Variants in RALYL observed in about 807,000 individuals in gnomAD.
The protein encoded by RALYL is RALY RNA binding protein like, also known as RNA-binding Raly-like protein.
In RALYL, 29 loss-of-function variants were observed where a neutral mutation model predicts 35.1. The observed-to-expected ratio is 0.83, with a 90% CI of 0.61 to 1.13. RALYL has a LOEUF of 1.13. Ranked by LOEUF, RALYL falls within the 50% of genes most tolerant of loss-of-function variation. The probability of loss-of-function intolerance (pLI) is 0.00; values close to 1 mark genes in which losing one functional copy is unlikely to be tolerated. For synonymous variants in RALYL, 120 were observed against 127.6 expected, an observed-to-expected ratio of 0.94 and a Z score of 0.40; for missense variants, 359 against 360.4, an observed-to-expected ratio of 1.00 and a Z score of 0.03.
At chr8:84,428,114 A>T (rs1180767487) in intron 1 of RALYL, among the ~76,000 whole-genome samples, 51 of 149,396 alleles carry the variant, frequency 3.4e-4, no homozygotes, top group African/African-American at 1.2e-3. Flanking sequence ...TCTCACACAC[A>T]CACACACACA....
At chr8:84,421,028 G>A (rs1022379999) in intron 1 of RALYL, among the ~76,000 whole-genome samples, 10 of 123,636 alleles carry the variant, frequency 8.1e-5, no homozygotes, top group Admixed American at 1.7e-4. Context: ...TTGGCAATGC[G>A]GGCTCTTTTT....
chr8:84,219,225 G>A (rs999514739), intron 1 of RALYL, among the ~76,000 whole-genome samples: 9 of 151,958 alleles, frequency 5.9e-5, no homozygotes, highest in Admixed American at 6.6e-5. Context: ...ATTATGAGGC[G>A]GTTTTCTCCA....
intron 8 of RALYL, among the ~76,000 whole-genome samples, chr8:84,911,022 TAAAG>T (rs1847421147): frequency 6.6e-6 from 1 of 152,076 alleles, no homozygotes; most frequent in Non-Finnish European, 1.5e-5. Context: ...TCTATCAACT[TAAAG>T]AGAGTAACTA....
At chr8:84,332,498 G>C (rs1355743725) in intron 1 of RALYL, among the ~76,000 whole-genome samples, 2 of 152,072 alleles carry the variant, frequency 1.3e-5, no homozygotes, top group Non-Finnish European at 2.9e-5. Flanking sequence ...AATGGAAATA[G>C]GAGGATTATA....
intron 5 of RALYL, among the ~76,000 whole-genome samples, chr8:84,852,432 G>A (rs533529558): frequency 2.4e-4 from 37 of 152,146 alleles, no homozygotes; most frequent in Non-Finnish European, 2.2e-4. Context: ...TATTAAGGAA[G>A]GATATCTAGA....
chr8:84,426,969 C>T (rs553614216), intron 1 of RALYL, among the ~76,000 whole-genome samples: 1 of 152,074 alleles, frequency 6.6e-6, no homozygotes, highest in African/African-American at 2.4e-5. Context: ...AATGAAATCA[C>T]CACCTCATAA....
At chr8:84,504,737 G>A (rs115040399) in intron 1 of RALYL, among the ~76,000 whole-genome samples, 2,480 of 152,178 alleles carry the variant, frequency 0.016, 67 homozygotes, top group African/African-American at 0.056. Context: ...TGATGCTCCA[G>A]GGTTTTAGAC....
At chr8:84,431,239 C>T (rs1295601935) in intron 1 of RALYL, among the ~76,000 whole-genome samples, 1 of 151,928 alleles carries the variant, frequency 6.6e-6, no homozygotes, top group African/African-American at 2.4e-5. Flanking sequence ...GAAGGGGCAT[C>T]ATAAAAAGAT....
intron 1 of RALYL, among the ~76,000 whole-genome samples, chr8:84,264,449 GTTTTTTT>G (rs373596991): frequency 2.6e-4 from 32 of 121,284 alleles, no homozygotes; most frequent in Non-Finnish European, 4.2e-4. Context: ...CTTTTTAATG[GTTTTTTT>G]TTTTTTTTTT....
chr8:84,719,109 C>T (rs1430838703), intron 2 of RALYL, among the ~76,000 whole-genome samples: 1 of 152,008 alleles, frequency 6.6e-6, no homozygotes, highest in Non-Finnish European at 1.5e-5. Flanking sequence ...TTATGGATTC[C>T]TCTGTAACCT....
intron 2 of RALYL, among the ~76,000 whole-genome samples, chr8:84,554,931 T>A (rs957296093): frequency 2.6e-5 from 4 of 152,212 alleles, no homozygotes; most frequent in Non-Finnish European, 4.4e-5. Flanking sequence ...TTTTCAAGGA[T>A]AATTTTGAGT....
chr8:84,194,631 A>G lies in RALYL; in HGVS notation c.-24+10207A>G, dbSNP rs6473530. Among the ~76,000 whole-genome samples the G allele has an allele frequency of 3.5e-3, 538 of 152,292 alleles. 3 individuals carry two copies. The highest frequency in any genetic ancestry group is 0.013 in the African/African-American group (521 of 41,562). ...AGTATTTGTTAATACATTTTTATTA[A>G]CATCAGAAGTCCAGATAGCAGGTAT... On this transcript the variant is annotated intron_variant, in intron 1 of 8. Transcript: ENST00000521268.
intron 2 of RALYL, among the ~76,000 whole-genome samples, chr8:84,569,146 G>A (rs1251485427): frequency 6.6e-6 from 1 of 151,862 alleles, no homozygotes; most frequent in Non-Finnish European, 1.5e-5. Context: ...GAATGGTAAT[G>A]CCTAGGTTTT....
At chr8:84,229,684 G>A (rs2131410775) in intron 1 of RALYL, among the ~76,000 whole-genome samples, 1 of 152,230 alleles carries the variant, frequency 6.6e-6, no homozygotes, top group South Asian at 2.1e-4. Flanking sequence ...TAGATATTTT[G>A]AGATTAAGAA....
intron 8 of RALYL, among the ~76,000 whole-genome samples, chr8:84,897,773 G>C (rs1844997349): frequency 2.0e-5 from 3 of 152,172 alleles, no homozygotes; most frequent in Non-Finnish European, 4.4e-5. Context: ...TGGAAACTCA[G>C]TAATGTGCCA....
At chr8:84,890,812 CAATA>C (rs1843708565) in intron 8 of RALYL, among the ~76,000 whole-genome samples, 1 of 145,174 alleles carries the variant, frequency 6.9e-6, no homozygotes, top group Admixed American at 6.8e-5. Context: ...AAAAAAAAAA[CAATA>C]AATAAAAGGA....
At chr8:84,325,624 C>T (rs1280609241) in intron 1 of RALYL, among the ~76,000 whole-genome samples, 2 of 152,160 alleles carry the variant, frequency 1.3e-5, no homozygotes, top group Non-Finnish European at 2.9e-5. Flanking sequence ...GAATCTGGTC[C>T]TCCTGTATAT....
At chr8:84,328,128 T>C (rs1464523649) in intron 1 of RALYL, among the ~76,000 whole-genome samples, 2 of 152,170 alleles carry the variant, frequency 1.3e-5, no homozygotes, top group Non-Finnish European at 2.9e-5. Flanking sequence ...GGGAATTATA[T>C]TGGCTGTATT....
intron 1 of RALYL, among the ~76,000 whole-genome samples, chr8:84,344,278 A>G (rs1367961418): frequency 6.6e-6 from 1 of 152,100 alleles, no homozygotes; most frequent in Non-Finnish European, 1.5e-5. Context: ...GCAAAAAAAT[A>G]GAAAATTTTA....
Sources: allele counts gnomAD v4.1 joint callset (sites outside exome capture counted in the v4.1 genomes callset), GRCh38; gene constraint gnomAD v4.1.1; transcripts MANE v1.5; gene names NCBI Gene and HGNC (gene_info 2026-07-23, HGNC 2026-07-21).